Variants in SLC35B1 observed in about 807,000 individuals in gnomAD.
SLC35B1 encodes solute carrier family 35 member B1, also known as ATP/ADP exchanger ER.
A neutral mutation model predicts 36.6 loss-of-function variants in SLC35B1; 27 were observed. That is an observed-to-expected ratio of 0.74 (90% CI 0.54 to 1.02). The LOEUF (loss-of-function observed/expected upper bound fraction) is 1.02. SLC35B1 is among the 50% of genes least tolerant of loss of function. The probability of loss-of-function intolerance (pLI) is 0.00; values close to 1 mark genes in which losing one functional copy is unlikely to be tolerated. For missense variants in SLC35B1, 321 were observed against 383.2 expected (o/e 0.84, Z 1.35); for synonymous variants, 162 against 152.5 (o/e 1.06, Z -0.46).
Position 49,706,967 on chromosome 17 carries a change from A to G in SLC35B1, c.206T>C (p.Ile69Thr), listed in dbSNP as rs1282302325. 1.2e-6 allele frequency: 2 copies of G among 1,612,264 alleles called. No homozygotes were observed. The highest frequency in any genetic ancestry group is 1.3e-5 in the African/African-American group (1 of 74,870). The change falls in exon 2 of 9, where the codon ATC becomes ACC. Residue 69 changes from isoleucine to threonine, a missense_variant and splice_region_variant. By Grantham distance (89) the Ile-to-Thr change is moderately conservative. Transcript: ENST00000240333. ...CAAATTACTATCTGGGTACTCACAG[A>G]TCTTGGCAAACACAGCATTGATCAC... ...QCVINAVFAKILIQFFDTARV... is the reference protein window; with the variant it reads ...QCVINAVFAKTLIQFFDTARV...
At chr17:49,701,664 G>C (rs560044601) in intron 8 of SLC35B1, 154 bp from the exon 9 acceptor site, 1 of 611,154 alleles carries the variant, frequency 1.6e-6, no homozygotes, top group Non-Finnish European at 2.9e-6. Context: ...CTTCCTCAGA[G>C]ACAAGAGAAT....
At chr17:49,706,426 A>T in intron 2 of SLC35B1, 92 bp from the exon 3 acceptor site, 1 of 1,247,740 alleles carries the variant, frequency 8.0e-7, no homozygotes, top group South Asian at 2.0e-5. Context: ...ATGGACCACT[A>T]AGCAAAGCTG....
At position 49,705,800 on chromosome 17, in the gene SLC35B1, T is replaced by TAGC. The variant is rs1477183890; in HGVS notation, c.370+63_370+65dup. 7.4e-6 allele frequency: 11 copies of TAGC among 1,483,374 alleles called. No homozygotes were observed. The East Asian group carries it at 2.5e-4, about 34-fold the overall frequency. 91.9% of individuals were successfully genotyped at this position (1,483,374 alleles called of 1,614,324 possible). ...GATGAAGCCGAGAGGGACACAGTTGTAGCAGAGAGAGAGCTTACTATAGGA... is the reference window on the plus strand; with the variant it reads ...GATGAAGCCGAGAGGGACACAGTTGTAGCAGCAGAGAGAGAGCTTACTATAGGA... On this transcript the variant is annotated intron_variant, in intron 4 of 8. Coordinates refer to ENST00000240333, the MANE Select transcript of SLC35B1 (RefSeq NM_005827.4).
At chr17:49,705,763 C>A in intron 4 of SLC35B1, 103 bp downstream of exon 4, 1 of 1,117,030 alleles carries the variant, frequency 9.0e-7, no homozygotes, top group South Asian at 1.3e-5. Context: ...CTGGAGACAG[C>A]CATGATGGGA....
chr17:49,704,970 AAT>A (rs2073396916), intron 5 of SLC35B1, 152 bp downstream of exon 5: 1 of 664,484 alleles, frequency 1.5e-6, no homozygotes, highest in Admixed American at 2.8e-5. Flanking sequence ...CTATGGCATT[AAT>A]AGAGTCAGGG....
chr17:49,707,223 G>T, intron 1 of SLC35B1, 155 bp from the exon 2 acceptor site: 3 of 1,359,022 alleles, frequency 2.2e-6, no homozygotes, highest in South Asian at 2.7e-5. Context: ...TTGCAAAAGG[G>T]GCTGATTTTA....
At chr17:49,703,521 G>A (rs1406425922) in intron 6 of SLC35B1, 1 of 468,018 alleles carries the variant, frequency 2.1e-6, no homozygotes, top group Non-Finnish European at 4.0e-6. Flanking sequence ...TGTGAGAAAG[G>A]CTTGAAAGTT....
upstream of SLC35B1, chr17:49,708,117 A>G (rs535998134): frequency 9.9e-6 from 7 of 707,084 alleles, no homozygotes; most frequent in South Asian, 7.5e-5. Flanking sequence ...GGCAGCCTCG[A>G]GACTGATCCC....
intron 2 of SLC35B1, among the ~76,000 whole-genome samples, 170 bp downstream of exon 2, chr17:49,706,795 C>T (rs1373592213): frequency 6.6e-6 from 1 of 152,210 alleles, no homozygotes; most frequent in African/African-American, 2.4e-5. Flanking sequence ...TAATATTTTA[C>T]TCCACTTCAA....
At chr17:49,703,525 G>T in intron 6 of SLC35B1, 1 of 460,752 alleles carries the variant, frequency 2.2e-6, no homozygotes, top group Non-Finnish European at 4.0e-6. Context: ...AGAAAGGCTT[G>T]AAAGTTAATG....
At chr17:49,707,201 C>T in intron 1 of SLC35B1, 133 bp from the exon 2 acceptor site, 21 of 1,311,008 alleles carry the variant, frequency 1.6e-5, no homozygotes, top group Non-Finnish European at 2.1e-5. Context: ...TGTTAAGGAC[C>T]ACTAGGCTCA....
At chr17:49,707,637 G>C in intron 1 of SLC35B1, 93 bp downstream of exon 1, 1 of 1,484,820 alleles carries the variant, frequency 6.7e-7, no homozygotes, top group Non-Finnish European at 9.1e-7. Flanking sequence ...CGGGCAGGAG[G>C]ACAAGAGGAA....
intron 6 of SLC35B1, 69 bp from the exon 7 acceptor site, chr17:49,703,363 CA>C: frequency 2.2e-6 from 2 of 890,314 alleles, no homozygotes; most frequent in Non-Finnish European, 1.9e-6. Flanking sequence ...CACACACACA[CA>C]CACACACACA....
intron 1 of SLC35B1, 142 bp from the exon 2 acceptor site, chr17:49,707,210 C>T (rs2143666719): frequency 1.8e-5 from 24 of 1,333,776 alleles, no homozygotes; most frequent in South Asian, 5.4e-5. Flanking sequence ...CCACTAGGCT[C>T]ATTTGCAAAA....
chr17:49,705,984 A>G, intron 3 of SLC35B1, 88 bp from the exon 4 acceptor site: 2 of 1,416,328 alleles, frequency 1.4e-6, no homozygotes, highest in Non-Finnish European at 2.0e-6. Context: ...ATGAGTAAGC[A>G]CAGGGCCTGC....
rs2073417176 is a variant in SLC35B1, at chr17:49,706,344, GACA to G, written c.209-13_209-11del. Reference sequence around the variant, plus strand: ...TCAAAAAACTGGATCACTGGGAGAAGACAAAAAAAAAAAAAAAAAAAGAAAAGA... The same window carrying G: ...TCAAAAAACTGGATCACTGGGAGAAGAAAAAAAAAAAAAAAAAAGAAAAGA... On this transcript the variant is annotated splice_polypyrimidine_tract_variant and intron_variant, in intron 2 of 8. Transcript: ENST00000240333. 8.5e-5 allele frequency: 21 copies of G among 247,996 alleles called. No individual in the cohort carries two copies. The highest frequency in any genetic ancestry group is 3.3e-4 in the South Asian group (1 of 2,986). 15.4% of individuals were successfully genotyped at this position (247,996 alleles called of 1,614,324 possible).
rs752273089 is a variant in SLC35B1, at chr17:49,707,943, A to G, written c.-110T>C. ...ATCGCCGACCGGCGGCAGGGGCCTC[A>G]TAGGAGCTGCATGCGACCGCTGTCC... On this transcript the variant is annotated 5_prime_UTR_variant, in exon 1 of 9. It removes an upstream start codon present in the reference 5' UTR. Transcript: ENST00000240333. 1.9e-5 allele frequency: 30 copies of G among 1,555,880 alleles called. No homozygotes were observed. In the Middle Eastern group the frequency reaches 5.0e-4, roughly 26 times the overall value.
At chr17:49,703,890 G>T (rs7207224) in intron 6 of SLC35B1, 3 of 539,996 alleles carry the variant, frequency 5.6e-6, no homozygotes, top group Non-Finnish European at 1.0e-5. Context: ...ACTGACACAC[G>T]ACTCTCCTTC....
At chr17:49,705,625 G>A (rs2073406314) in intron 4 of SLC35B1, 1 of 601,302 alleles carries the variant, frequency 1.7e-6, no homozygotes, top group African/African-American at 1.9e-5. Flanking sequence ...ATGCAACACA[G>A]AAATGGCTGA....
Sources: allele counts gnomAD v4.1 joint callset (sites outside exome capture counted in the v4.1 genomes callset), GRCh38; gene constraint gnomAD v4.1.1; transcripts MANE v1.5; gene names NCBI Gene and HGNC (gene_info 2026-07-23, HGNC 2026-07-21).